ENOX1: variants seen among roughly 807,000 people sequenced by gnomAD.
ENOX1 encodes the protein candidate growth-related and time keeping constitutive hydroquinone (NADH) oxidase.
Under a neutral mutation model 82.5 loss-of-function variants are expected in ENOX1, and 42 were observed. The observed-to-expected ratio is 0.51, with a 90% confidence interval of 0.40 to 0.66. The LOEUF is 0.66. ENOX1 is among the 30% of genes least tolerant of loss of function. The probability of loss-of-function intolerance (pLI) is 0.00; values close to 1 mark genes in which losing one functional copy is unlikely to be tolerated. For synonymous variants in ENOX1, 271 were observed against 282.2 expected (o/e 0.96, Z 0.40); for missense variants, 608 against 811.6 (o/e 0.75, Z 3.05).
chr13:43,342,993 G>T (rs2049158819), intron 9 of ENOX1, among the ~76,000 whole-genome samples: 1 of 152,160 alleles, frequency 6.6e-6, no homozygotes, highest in African/African-American at 2.4e-5. Context: ...TATCTTTATT[G>T]TTAGAGCCAA....
chr13:43,496,354 T>C lies in ENOX1; in HGVS notation c.-218-12202A>G, dbSNP rs1241688422. On this transcript the variant is annotated intron_variant, in intron 2 of 16. Transcript: ENST00000690772. ...GGTGTTAAGGTTCATTCTGTTTCAATAATTGCTCTAGCAATTGGCTCTTTT... is the reference window on the plus strand; with the variant it reads ...GGTGTTAAGGTTCATTCTGTTTCAACAATTGCTCTAGCAATTGGCTCTTTT... Among the ~76,000 whole-genome samples the C allele has an allele frequency of 2.0e-5, 3 of 152,090 alleles. No homozygotes were observed. In the East Asian group the frequency reaches 5.8e-4, roughly 29 times the overall value.
At position 43,236,730 on chromosome 13, in the gene ENOX1, A is replaced by G; in HGVS notation, c.1620T>C (p.Asn540=). ...GGTTGACTAATGCAACTGTCAACACATTGATTTCCTATAAAGTTAAAAGCC... is the reference window on the plus strand; with the variant it reads ...GGTTGACTAATGCAACTGTCAACACGTTGATTTCCTATAAAGTTAAAAGCC... ...GHSHEDSNEI[N]VLTVALVNQD... The change falls in exon 15 of 17, where the codon AAT becomes AAC. Residue 540 remains asparagine, a synonymous_variant. Coordinates refer to ENST00000690772, the MANE Select transcript of ENOX1 (RefSeq NM_001347969.2). The G allele has an allele frequency of 6.4e-7, 1 of 1,571,566 alleles. No individual in the cohort carries two copies. Among genetic ancestry groups the G allele is most frequent in the South Asian group, 1.2e-5 (1 of 82,416 alleles).
intron 14 of ENOX1, among the ~76,000 whole-genome samples, chr13:43,245,964 C>T (rs938206838): frequency 3.9e-5 from 6 of 152,196 alleles, no homozygotes; most frequent in Non-Finnish European, 5.9e-5. Flanking sequence ...CTAGTTACGG[C>T]TCACACGAAG....
At chr13:43,592,187 C>A (rs1307760893) in intron 2 of ENOX1, among the ~76,000 whole-genome samples, 4 of 152,204 alleles carry the variant, frequency 2.6e-5, no homozygotes, top group Non-Finnish European at 5.9e-5. Flanking sequence ...TGAAAGGAGT[C>A]CAACAATGCA....
chr13:43,724,566 T>C (rs1236022326), intron 1 of ENOX1, among the ~76,000 whole-genome samples: 1 of 152,262 alleles, frequency 6.6e-6, no homozygotes, highest in Non-Finnish European at 1.5e-5. Context: ...GTATCTTCCC[T>C]GATTAGCAGG....
intron 2 of ENOX1, among the ~76,000 whole-genome samples, chr13:43,565,578 A>G (rs1279527566): frequency 6.6e-6 from 1 of 152,094 alleles, no homozygotes; most frequent in African/African-American, 2.4e-5. Context: ...CAGCTCCAGT[A>G]CCCACAAAGA....
At chr13:43,555,510 G>C in intron 2 of ENOX1, among the ~76,000 whole-genome samples, 1 of 152,156 alleles carries the variant, frequency 6.6e-6, no homozygotes, top group East Asian at 1.9e-4. Flanking sequence ...TGAGGAAAAG[G>C]GGAATATGGT....
intron 1 of ENOX1, among the ~76,000 whole-genome samples, chr13:43,718,044 A>T (rs2088274251): frequency 6.6e-6 from 1 of 152,230 alleles, no homozygotes; most frequent in South Asian, 2.1e-4. Context: ...TATACCCAAA[A>T]GAAAATAATC....
chr13:43,561,814 CTACAAAAA>C (rs1432916635), intron 2 of ENOX1, among the ~76,000 whole-genome samples: 17 of 152,030 alleles, frequency 1.1e-4, no homozygotes, highest in African/African-American at 3.9e-4. Flanking sequence ...AATCCCGTCT[CTACAAAAA>C]TACAAAAATT....
chr13:43,497,336 CTT>C (rs946606853), intron 2 of ENOX1, among the ~76,000 whole-genome samples: 2 of 152,164 alleles, frequency 1.3e-5, no homozygotes, highest in Non-Finnish European at 2.9e-5. Context: ...ACCCACATCT[CTT>C]TTCCTGATTT....
rs933666573 is a variant in ENOX1, at chr13:43,355,799, C to T, written c.823+120G>A. ...TGTGCTTACACCAGACTCTTACAGC[C>T]TTCTTAAGGCATAGCAGACATTGTG... On this transcript the variant is annotated intron_variant, in intron 8 of 16. Coordinates refer to ENST00000690772, the MANE Select transcript of ENOX1 (RefSeq NM_001347969.2). The T allele has an allele frequency of 4.8e-6, 5 of 1,035,370 alleles. No individual in the cohort carries two copies. In the African/African-American group the frequency reaches 6.4e-5, roughly 13 times the overall value. 64.1% of individuals were successfully genotyped at this position (1,035,370 alleles called of 1,614,324 possible).
chr13:43,308,932 T>C (rs2047025217), intron 11 of ENOX1, among the ~76,000 whole-genome samples: 1 of 152,154 alleles, frequency 6.6e-6, no homozygotes, highest in Admixed American at 6.5e-5. Flanking sequence ...CTGAGAAAGC[T>C]GAGGCTTGGT....
chr13:43,697,552 AG>A (rs2086701575), intron 1 of ENOX1, among the ~76,000 whole-genome samples: 2 of 152,210 alleles, frequency 1.3e-5, no homozygotes, highest in South Asian at 4.1e-4. Context: ...CAGGCACAGC[AG>A]CAGGAATTTC....
In ENOX1 at chr13:43,658,781, G is replaced by A. The variant is rs533686460; in HGVS notation, c.-219+8698C>T. 5.9e-5 allele frequency among the ~76,000 whole-genome samples: 9 copies of A among 152,140 alleles called. No homozygotes were observed. The South Asian group carries it at 6.2e-4, about 11-fold the overall frequency. On this transcript the variant is annotated intron_variant, in intron 2 of 16. Coordinates refer to ENST00000690772, the MANE Select transcript of ENOX1 (RefSeq NM_001347969.2). ...TTACCATCACCTGTGAATTCTTTTC[G>A]CCTCGCTCTTGTGTTGGTCCTATCT...
At chr13:43,387,411 A>C (rs965897292) in intron 5 of ENOX1, among the ~76,000 whole-genome samples, 1 of 152,128 alleles carries the variant, frequency 6.6e-6, no homozygotes, top group African/African-American at 2.4e-5. Context: ...CAAAGGCCTG[A>C]AGGCAAGAGC....
At chr13:43,307,427 G>A (rs2046931749) in intron 11 of ENOX1, among the ~76,000 whole-genome samples, 1 of 152,172 alleles carries the variant, frequency 6.6e-6, no homozygotes, top group African/African-American at 2.4e-5. Flanking sequence ...AGTTTCTAGG[G>A]TGATTCTGAT....
At chr13:43,612,887 T>C (rs901908865) in intron 2 of ENOX1, among the ~76,000 whole-genome samples, 8 of 152,140 alleles carry the variant, frequency 5.3e-5, no homozygotes, top group Admixed American at 3.9e-4. Flanking sequence ...CAAAATGTAT[T>C]TGATACACAG....
intron 2 of ENOX1, among the ~76,000 whole-genome samples, chr13:43,521,177 G>T (rs2077753288): frequency 6.6e-6 from 1 of 152,066 alleles, no homozygotes. Context: ...ACTGACTCAT[G>T]TCTAGAAACA....
At chr13:43,425,893 C>G (rs2055270825) in intron 3 of ENOX1, among the ~76,000 whole-genome samples, 1 of 152,128 alleles carries the variant, frequency 6.6e-6, no homozygotes, top group Non-Finnish European at 1.5e-5. Flanking sequence ...GAAATTAGAG[C>G]TGGTTTTAAA....
Sources: allele counts gnomAD v4.1 joint callset (sites outside exome capture counted in the v4.1 genomes callset), GRCh38; gene constraint gnomAD v4.1.1; transcripts MANE v1.5; gene names NCBI Gene and HGNC (gene_info 2026-07-23, HGNC 2026-07-21).